XYLB: variants seen among roughly 807,000 people sequenced by gnomAD.
XYLB encodes xylulokinase, also known as xylulose kinase.
XYLB carries 62 observed loss-of-function variants against 78.7 expected under a neutral mutation model. That is an observed-to-expected ratio of 0.79 (90% CI 0.64 to 0.97). The LOEUF (loss-of-function observed/expected upper bound fraction) is 0.97. XYLB is among the 50% of genes least tolerant of loss of function. XYLB has a pLI of 0.00. For synonymous variants in XYLB, 245 were observed against 247.4 expected (o/e 0.99, Z 0.09); for missense variants, 687 against 676.8 (o/e 1.02, Z -0.17).
intron 1 of XYLB, among the ~76,000 whole-genome samples, chr3:38,347,651 G>T (rs1705141729): frequency 6.6e-6 from 1 of 152,120 alleles, no homozygotes; most frequent in Non-Finnish European, 1.5e-5. Flanking sequence ...TCTCCAGCCT[G>T]GGCGACAGAA....
At chr3:38,360,822 T>C (rs1385646003) in intron 3 of XYLB, among the ~76,000 whole-genome samples, 1 of 152,108 alleles carries the variant, frequency 6.6e-6, no homozygotes, top group Non-Finnish European at 1.5e-5. Context: ...TCACCTGAGG[T>C]CAGGGGTTCA....
chr3:38,447,915 C>T, the XYLB span, among the ~76,000 whole-genome samples: 1 of 152,034 alleles, frequency 6.6e-6, no homozygotes, highest in African/African-American at 2.4e-5. Context: ...TACTATTCGG[C>T]CATTAAAAAG....
intron 5 of XYLB, 129 bp from the exon 6 acceptor site, chr3:38,365,479 G>A (rs1706203641): frequency 6.7e-7 from 1 of 1,492,736 alleles, no homozygotes. Context: ...TGGCCCATGT[G>A]TCTCCAACCA....
At chr3:38,447,179 G>T in the XYLB span, among the ~76,000 whole-genome samples, 1 of 151,378 alleles carries the variant, frequency 6.6e-6, no homozygotes, top group Non-Finnish European at 1.5e-5. Flanking sequence ...AATGCTCAAT[G>T]TCACTTATCA....
intron 14 of XYLB, among the ~76,000 whole-genome samples, chr3:38,378,427 A>G (rs1453842174): frequency 6.6e-6 from 1 of 152,208 alleles, no homozygotes; most frequent in East Asian, 1.9e-4. Context: ...ATGAGCATGT[A>G]CATGAATGCA....
At chr3:38,416,090 G>C (rs1173022689), downstream of XYLB, among the ~76,000 whole-genome samples, 2 of 151,980 alleles carry the variant, frequency 1.3e-5, no homozygotes, top group African/African-American at 4.8e-5. Context: ...CAACACCTGG[G>C]GATTACAATT....
chr3:38,389,626 TG>T (rs1429303897), intron 15 of XYLB, among the ~76,000 whole-genome samples: 2 of 152,124 alleles, frequency 1.3e-5, no homozygotes, highest in Non-Finnish European at 2.9e-5. Flanking sequence ...GGTTTTTTTT[TG>T]TTTAATCAGG....
At chr3:38,425,744 A>G (rs912641879), downstream of XYLB, among the ~76,000 whole-genome samples, 3 of 152,260 alleles carry the variant, frequency 2.0e-5, no homozygotes, top group African/African-American at 7.2e-5. Flanking sequence ...ATCATGAGCC[A>G]GATGCTGAGG....
In XYLB at chr3:38,406,499, G is replaced by A. The variant is rs201567932; in HGVS notation, c.1533+5514G>A. ...AGCGCCTCTCCTCCTCCAAAGGAAC[G>A]CAGTTCCTCACCAGCAACGGAACAA... On this transcript the variant is annotated intron_variant, in intron 18 of 18. Coordinates refer to ENST00000207870, the MANE Select transcript of XYLB (RefSeq NM_005108.4). 3.6e-3 allele frequency among the ~76,000 whole-genome samples: 543 copies of A among 152,340 alleles called. 10 individuals carry two copies. Among genetic ancestry groups the A allele is most frequent in the South Asian group, 0.035 (168 of 4,826 alleles).
chr3:38,451,697 G>A, the XYLB span: 6 of 152,228 alleles, frequency 3.9e-5, no homozygotes, highest in African/African-American at 1.4e-4. Flanking sequence ...GACTCATAAG[G>A]TTCTGATTTG....
intron 15 of XYLB, among the ~76,000 whole-genome samples, chr3:38,393,088 C>A (rs2125640657): frequency 6.6e-6 from 1 of 152,260 alleles, no homozygotes; most frequent in South Asian, 2.1e-4. Context: ...ACTTGTAGTG[C>A]CCCCTTTATC....
At chr3:38,370,577 G>A (rs1475312371) in intron 9 of XYLB, among the ~76,000 whole-genome samples, 1 of 152,194 alleles carries the variant, frequency 6.6e-6, no homozygotes, top group Non-Finnish European at 1.5e-5. Flanking sequence ...GCACAGCACA[G>A]GCCCTGGCAC....
chr3:38,393,955 G>A (rs1476080897), intron 15 of XYLB, among the ~76,000 whole-genome samples: 1 of 152,150 alleles, frequency 6.6e-6, no homozygotes, highest in Non-Finnish European at 1.5e-5. Context: ...ATGTAGTATA[G>A]CAATTATCCC....
chr3:38,358,384 A>G (rs1093693), intron 2 of XYLB, among the ~76,000 whole-genome samples: 116,658 of 131,118 alleles, frequency 0.89, 52,542 homozygotes, highest in East Asian at 1. Context: ...GCTCTGTTGC[A>G]CCCAGGCTGG....
intron 18 of XYLB, among the ~76,000 whole-genome samples, chr3:38,403,307 G>C (rs1231803801): frequency 1.4e-5 from 2 of 141,826 alleles, no homozygotes; most frequent in Non-Finnish European, 3.2e-5. Flanking sequence ...AAAAAAAAAA[G>C]TTACTAATAT....
intron 17 of XYLB, among the ~76,000 whole-genome samples, chr3:38,399,054 A>C (rs910133510): frequency 2.0e-5 from 3 of 151,764 alleles, no homozygotes; most frequent in Non-Finnish European, 2.9e-5. Flanking sequence ...AAAACAAAAA[A>C]CAAAAAAAAA....
At chr3:38,438,347 G>T in the XYLB span, among the ~76,000 whole-genome samples, 1 of 152,094 alleles carries the variant, frequency 6.6e-6, no homozygotes, top group Non-Finnish European at 1.5e-5. Context: ...AGAAACCAAT[G>T]AAAGAAATTG....
the XYLB span, among the ~76,000 whole-genome samples, chr3:38,440,066 G>T: frequency 3.9e-5 from 6 of 152,262 alleles, no homozygotes; most frequent in Admixed American, 2.6e-4. Flanking sequence ...AGATAAACTG[G>T]CGATTCTGGT....
At chr3:38,409,802 A>C (rs906919003) in intron 18 of XYLB, among the ~76,000 whole-genome samples, 10 of 152,204 alleles carry the variant, frequency 6.6e-5, no homozygotes, top group African/African-American at 2.2e-4. Flanking sequence ...AAGAGAATAA[A>C]ATACTTAGGA....
Sources: allele counts gnomAD v4.1 joint callset (sites outside exome capture counted in the v4.1 genomes callset), GRCh38; gene constraint gnomAD v4.1.1; transcripts MANE v1.5; gene names NCBI Gene and HGNC (gene_info 2026-07-23, HGNC 2026-07-21).